Variants in HCN1 observed in about 807,000 individuals in gnomAD.
HCN1 encodes the protein hyperpolarization activated cyclic nucleotide gated potassium channel 1.
In HCN1, 13 loss-of-function variants were observed where a neutral mutation model predicts 78.9. The observed-to-expected ratio is 0.16, with a 90% CI of 0.11 to 0.26. The LOEUF is 0.26. HCN1 is among the 10% of genes least tolerant of loss of function. HCN1 has a pLI of 1.00. For synonymous variants in HCN1, 552 were observed against 455.5 expected (o/e 1.21, Z -2.70); for missense variants, 810 against 1,154.3 (o/e 0.70, Z 4.32).
At chr5:45,291,798 G>A (rs566224403) in intron 6 of HCN1, among the ~76,000 whole-genome samples, 4 of 152,072 alleles carry the variant, frequency 2.6e-5, no homozygotes, top group African/African-American at 9.6e-5. Flanking sequence ...CCAAAGTGCC[G>A]GGAATACAGG....
intron 3 of HCN1, among the ~76,000 whole-genome samples, chr5:45,426,714 C>G (rs1397518582): frequency 6.6e-6 from 1 of 152,138 alleles, no homozygotes; most frequent in Admixed American, 6.6e-5. Context: ...CGAACTAATA[C>G]AGTCCCTGAG....
intron 2 of HCN1, among the ~76,000 whole-genome samples, chr5:45,534,350 CCCGCCATTGCAT>C (rs1162750248): frequency 7.5e-6 from 1 of 133,058 alleles, no homozygotes; most frequent in Non-Finnish European, 1.5e-5. Context: ...GAGCCAAGAT[CCCGCCATTGCAT>C]TCCATGCATT....
At chr5:45,354,121 ATGGATATTACCT>A (rs1220767587) in intron 4 of HCN1, among the ~76,000 whole-genome samples, 2 of 151,936 alleles carry the variant, frequency 1.3e-5, no homozygotes, top group Non-Finnish European at 2.9e-5. Context: ...CCATATAAGC[ATGGATATTACCT>A]GGGTGCCTAT....
intron 5 of HCN1, among the ~76,000 whole-genome samples, chr5:45,325,788 A>T (rs1746223212): frequency 6.6e-6 from 1 of 151,600 alleles, no homozygotes; most frequent in Non-Finnish European, 1.5e-5. Flanking sequence ...ATTTTAAAGG[A>T]TTTCCCATGA....
At position 45,258,918 on chromosome 5, in the gene HCN1, A is replaced by T. The variant is rs1175236471; in HGVS notation, c.*3003T>A. The stretch of plus-strand genomic sequence containing the variant: ...GACAATTATTTACCATTATTACAGG[A>T]AAATTATTTCTCATCTGTATATCCA... On this transcript the variant is annotated 3_prime_UTR_variant, in exon 8 of 8. Coordinates refer to ENST00000303230, the MANE Select transcript of HCN1 (RefSeq NM_021072.4). The T allele has an allele frequency of 1.3e-5, 2 of 152,072 alleles. No homozygotes were observed. The highest frequency in any genetic ancestry group is 3.8e-4 in the East Asian group (2 of 5,200). 9.4% of individuals were successfully genotyped at this position (152,072 alleles called of 1,614,324 possible).
intron 6 of HCN1, among the ~76,000 whole-genome samples, chr5:45,300,189 T>C (rs978641311): frequency 2.0e-5 from 3 of 152,042 alleles, no homozygotes; most frequent in Non-Finnish European, 4.4e-5. Flanking sequence ...AAAATTCTTT[T>C]TAAATGTTTC....
intron 6 of HCN1, among the ~76,000 whole-genome samples, chr5:45,302,540 C>T (rs1195598570): frequency 1.3e-5 from 2 of 151,852 alleles, no homozygotes; most frequent in East Asian, 3.9e-4. Context: ...TGTTATTTGC[C>T]TAAGTCTAAA....
intron 5 of HCN1, among the ~76,000 whole-genome samples, chr5:45,322,527 C>A (rs928467695): frequency 6.6e-6 from 1 of 151,780 alleles, no homozygotes; most frequent in Non-Finnish European, 1.5e-5. Context: ...ATTTGCATAT[C>A]CCAAATGAGA....
intron 4 of HCN1, among the ~76,000 whole-genome samples, chr5:45,356,063 T>C (rs1048211642): frequency 8.6e-5 from 13 of 151,974 alleles, no homozygotes; most frequent in Non-Finnish European, 1.5e-4. Flanking sequence ...AACTATTCTT[T>C]GAAAAAGACA....
chr5:45,351,606 A>T (rs1294832488), intron 5 of HCN1, among the ~76,000 whole-genome samples: 1 of 128,238 alleles, frequency 7.8e-6, no homozygotes, highest in Non-Finnish European at 1.6e-5. Context: ...AACATGGGAG[A>T]AAATTTTCGC....
chr5:45,428,699 C>T (rs1740400820), intron 3 of HCN1, among the ~76,000 whole-genome samples: 2 of 151,588 alleles, frequency 1.3e-5, no homozygotes, highest in Admixed American at 6.6e-5. Flanking sequence ...TTGTTATCAC[C>T]CTGCAGCATT....
intron 3 of HCN1, 119 bp downstream of exon 3, chr5:45,461,726 CA>C: frequency 1.0e-6 from 1 of 955,072 alleles, no homozygotes; most frequent in Non-Finnish European, 1.6e-6. Context: ...TTCATAGAAG[CA>C]AAATCAAGTT....
chr5:45,435,773 C>T (rs1335931977), intron 3 of HCN1, among the ~76,000 whole-genome samples: 1 of 152,072 alleles, frequency 6.6e-6, no homozygotes, highest in Non-Finnish European at 1.5e-5. Context: ...AAAGAAGAAT[C>T]AATTCCCGCA....
At chr5:45,328,789 G>A (rs1452521482) in intron 5 of HCN1, among the ~76,000 whole-genome samples, 3 of 151,590 alleles carry the variant, frequency 2.0e-5, no homozygotes, top group Non-Finnish European at 4.4e-5. Context: ...ATAAAGGCAG[G>A]ACTACTCTAC....
intron 1 of HCN1, among the ~76,000 whole-genome samples, chr5:45,678,342 T>C (rs1161206366): frequency 6.6e-6 from 1 of 151,936 alleles, no homozygotes; most frequent in Non-Finnish European, 1.5e-5. Flanking sequence ...TCAGTTGCCT[T>C]TTCTTTAGCA....
At chr5:45,681,523 A>G (rs1163101350) in intron 1 of HCN1, among the ~76,000 whole-genome samples, 1 of 152,086 alleles carries the variant, frequency 6.6e-6, no homozygotes, top group African/African-American at 2.4e-5. Context: ...TCACTGGAAT[A>G]TTATTTCTTC....
chr5:45,359,053 G>T (rs1488235424), intron 4 of HCN1, among the ~76,000 whole-genome samples: 1 of 152,012 alleles, frequency 6.6e-6, no homozygotes, highest in East Asian at 1.9e-4. Context: ...AAGCATCAAT[G>T]ATTGGGCATT....
At chr5:45,555,043 G>T (rs1459627835) in intron 2 of HCN1, among the ~76,000 whole-genome samples, 1 of 151,758 alleles carries the variant, frequency 6.6e-6, no homozygotes, top group Non-Finnish European at 1.5e-5. Context: ...GGAAATTATT[G>T]CTAGAGCAAT....
chr5:45,372,079 TA>T (rs1252364967), intron 4 of HCN1, among the ~76,000 whole-genome samples: 3 of 58,692 alleles, frequency 5.1e-5, no homozygotes, highest in Non-Finnish European at 8.0e-5. Flanking sequence ...ATATTATATA[TA>T]ATATAATTAT....
Sources: gnomAD v4.1 joint callset for allele counts (sites outside exome capture counted in the v4.1 genomes callset) on GRCh38, gnomAD v4.1.1 for gene constraint, MANE v1.5 for transcripts, NCBI Gene and HGNC (gene_info 2026-07-23, HGNC 2026-07-21) for gene names.